Variants in CDH12 observed in about 807,000 individuals in gnomAD.
CDH12 encodes the protein cadherin-12.
A neutral mutation model predicts 74.1 loss-of-function variants in CDH12; 41 were observed. The observed-to-expected ratio is 0.55, with a 90% CI of 0.43 to 0.72. The LOEUF (loss-of-function observed/expected upper bound fraction) is 0.72, where lower values mean the gene tolerates loss of function less well. CDH12 is among the 30% of genes least tolerant of loss of function. CDH12 has a pLI of 0.00. For synonymous variants in CDH12, 399 were observed against 355.0 expected (o/e 1.12, Z -1.39); for missense variants, 945 against 977.2 (o/e 0.97, Z 0.44).
At chr5:22,283,267 CACACACACAT>C (rs1277674683) in intron 3 of CDH12, among the ~76,000 whole-genome samples, 27 of 142,892 alleles carry the variant, frequency 1.9e-4, no homozygotes, top group Admixed American at 2.8e-4. Flanking sequence ...CACACACACA[CACACACACAT>C]ATACACACAT....
At position 22,060,664 on chromosome 5, in the gene CDH12, C is replaced by T. The variant is rs116711076; in HGVS notation, c.231+17782G>A. ...TACAAGATTGGAACTCAATTCACCA[C>T]AGGTCCCTCAGGTTACTGAGGGTTT... On this transcript the variant is annotated intron_variant, in intron 5 of 14. Coordinates refer to ENST00000382254, the MANE Select transcript of CDH12 (RefSeq NM_004061.5). Among the ~76,000 whole-genome samples the T allele has an allele frequency of 5.7e-3, 873 of 152,234 alleles. 8 individuals carry two copies. The highest frequency in any genetic ancestry group is 0.02 in the African/African-American group (836 of 41,558).
chr5:22,298,666 A>G (rs891175569), intron 3 of CDH12, among the ~76,000 whole-genome samples: 4 of 152,148 alleles, frequency 2.6e-5, no homozygotes, highest in African/African-American at 9.7e-5. Flanking sequence ...TCACACCACC[A>G]GTTGGTTATA....
intron 2 of CDH12, among the ~76,000 whole-genome samples, chr5:22,431,659 G>A (rs1344958635): frequency 6.6e-6 from 1 of 152,206 alleles, no homozygotes; most frequent in African/African-American, 2.4e-5. Flanking sequence ...AAGTGCCCCT[G>A]GGACAAGATG....
In CDH12 at chr5:22,400,534, G is replaced by A. The variant is rs188497074; in HGVS notation, c.-333+4723C>T. Among the ~76,000 whole-genome samples the A allele has an allele frequency of 7.0e-4, 107 of 151,948 alleles. 1 individual carries two copies. In the Middle Eastern group the frequency reaches 0.01, roughly 14 times the overall value. Reference sequence around the variant, plus strand: ...GAACCTTGAACCCCTGTGCTCAAGCGATCCACCCACCTTGACCTCCCAAAG... The same window carrying A: ...GAACCTTGAACCCCTGTGCTCAAGCAATCCACCCACCTTGACCTCCCAAAG... On this transcript the variant is annotated intron_variant, in intron 3 of 14. Transcript: ENST00000382254.
chr5:22,493,964 G>A (rs1472882701), intron 2 of CDH12, among the ~76,000 whole-genome samples: 1 of 152,118 alleles, frequency 6.6e-6, no homozygotes, highest in African/African-American at 2.4e-5. Context: ...GATGGTCCAG[G>A]GTTGGGGGAG....
At chr5:22,016,557 T>C (rs1226840296) in intron 5 of CDH12, among the ~76,000 whole-genome samples, 2 of 151,962 alleles carry the variant, frequency 1.3e-5, no homozygotes, top group African/African-American at 4.8e-5. Flanking sequence ...AGCTAACTTC[T>C]GTATTTTTAG....
intron 1 of CDH12, among the ~76,000 whole-genome samples, chr5:22,823,522 C>A (rs913942357): frequency 6.6e-6 from 1 of 152,120 alleles, no homozygotes; most frequent in African/African-American, 2.4e-5. Context: ...CATTAAACAT[C>A]TTTCCTTTGT....
intron 3 of CDH12, among the ~76,000 whole-genome samples, chr5:22,390,204 T>C (rs1398351442): frequency 6.6e-6 from 1 of 152,056 alleles, no homozygotes; most frequent in Non-Finnish European, 1.5e-5. Context: ...ATTATGAGAG[T>C]AGGCTAAGGA....
At chr5:22,725,601 T>TTA (rs1554062055) in intron 1 of CDH12, among the ~76,000 whole-genome samples, 136 of 151,376 alleles carry the variant, frequency 9.0e-4, no homozygotes, top group African/African-American at 3.2e-3. Flanking sequence ...CCATTTTTTT[T>TTA]TATATATATA....
At chr5:22,047,840 C>T (rs1188823207) in intron 5 of CDH12, among the ~76,000 whole-genome samples, 4 of 152,164 alleles carry the variant, frequency 2.6e-5, no homozygotes, top group South Asian at 2.1e-4. Flanking sequence ...TTCTAAAATT[C>T]TCTCTTCATC....
intron 2 of CDH12, among the ~76,000 whole-genome samples, chr5:22,500,394 AGTT>A (rs1747283070): frequency 6.6e-6 from 1 of 152,230 alleles, no homozygotes; most frequent in Admixed American, 6.5e-5. Flanking sequence ...TAAACATGAC[AGTT>A]GTTATGGATT....
At chr5:22,049,102 T>C (rs977776181) in intron 5 of CDH12, among the ~76,000 whole-genome samples, 1 of 152,124 alleles carries the variant, frequency 6.6e-6, no homozygotes, top group African/African-American at 2.4e-5. Flanking sequence ...ATGCAATCAT[T>C]GTCAACAAAT....
At chr5:22,419,999 T>TG (rs1036251655) in intron 2 of CDH12, among the ~76,000 whole-genome samples, 15 of 152,160 alleles carry the variant, frequency 9.9e-5, no homozygotes, top group African/African-American at 3.1e-4. Flanking sequence ...TGGGGTTTTT[T>TG]TTTGTTTGTT....
At chr5:22,226,439 G>A (rs996089223) in intron 3 of CDH12, among the ~76,000 whole-genome samples, 3 of 151,768 alleles carry the variant, frequency 2.0e-5, no homozygotes, top group African/African-American at 7.3e-5. Flanking sequence ...TATGGATGGT[G>A]GGGGGAAGAA....
intron 1 of CDH12, among the ~76,000 whole-genome samples, chr5:22,628,310 C>T (rs1168601280): frequency 3.3e-5 from 5 of 152,042 alleles, no homozygotes; most frequent in East Asian, 1.9e-4. Context: ...TTCTTGTCTG[C>T]GCATGAACTA....
At chr5:22,353,857 A>C (rs956253735) in intron 3 of CDH12, among the ~76,000 whole-genome samples, 1 of 152,214 alleles carries the variant, frequency 6.6e-6, no homozygotes, top group Non-Finnish European at 1.5e-5. Context: ...ATTGCAATGC[A>C]TCAAGTGTCT....
At chr5:22,792,249 C>T (rs1315296788) in intron 1 of CDH12, among the ~76,000 whole-genome samples, 1 of 151,900 alleles carries the variant, frequency 6.6e-6, no homozygotes. Context: ...CCATCACGCC[C>T]CACTAATTTT....
intron 6 of CDH12, among the ~76,000 whole-genome samples, chr5:21,856,590 C>G (rs534163667): frequency 1.3e-5 from 2 of 151,618 alleles, no homozygotes; most frequent in Non-Finnish European, 3.0e-5. Flanking sequence ...AAGATGAACA[C>G]GTATTGTCTT....
At chr5:21,825,319 T>C (rs1024924855) in intron 8 of CDH12, among the ~76,000 whole-genome samples, 1 of 152,194 alleles carries the variant, frequency 6.6e-6, no homozygotes, top group African/African-American at 2.4e-5. Flanking sequence ...ACTTCAGTAT[T>C]AACCTCTTGT....
Sources: allele counts gnomAD v4.1 joint callset (sites outside exome capture counted in the v4.1 genomes callset), GRCh38; gene constraint gnomAD v4.1.1; transcripts MANE v1.5; gene names NCBI Gene and HGNC (gene_info 2026-07-23, HGNC 2026-07-21).